The following TTLL11 variants were observed in gnomAD, a reference collection of about 807,000 sequenced individuals.
TTLL11 encodes tubulin tyrosine ligase like 11, also known as tubulin polyglutamylase TTLL11.
TTLL11 carries 42 observed loss-of-function variants against 51.7 expected under a neutral mutation model. The ratio of observed to expected loss-of-function variants is 0.81; its 90% CI spans 0.64 to 1.05. The LOEUF (loss-of-function observed/expected upper bound fraction) is 1.05, where lower values mean the gene tolerates loss of function less well. Among genes scored for constraint, TTLL11 ranks in the 50% least tolerant of loss-of-function variants. The probability of loss-of-function intolerance (pLI) is 0.00; values close to 1 mark genes in which losing one functional copy is unlikely to be tolerated. For synonymous variants in TTLL11, 381 were observed against 383.5 expected (o/e 0.99, Z 0.08); for missense variants, 799 against 940.4 (o/e 0.85, Z 1.97).
chr9:122,000,055 C>T (rs1345901607), intron 3 of TTLL11, among the ~76,000 whole-genome samples: 2 of 152,194 alleles, frequency 1.3e-5, no homozygotes, highest in Non-Finnish European at 2.9e-5. Context: ...ACCAGAGCCA[C>T]TCCATCTTAA....
chr9:122,006,993 A>AC (rs1420637170), intron 3 of TTLL11, among the ~76,000 whole-genome samples: 8 of 142,676 alleles, frequency 5.6e-5, no homozygotes, highest in African/African-American at 1.5e-4. Flanking sequence ...AAAAAAAAAA[A>AC]AAAAAAAAAA....
chr9:121,933,753 A>T (rs1338136663), intron 6 of TTLL11, among the ~76,000 whole-genome samples: 1 of 152,220 alleles, frequency 6.6e-6, no homozygotes, highest in Non-Finnish European at 1.5e-5. Context: ...GCTTAATAAG[A>T]CATAGTTGGA....
At position 121,989,489 on chromosome 9, in the gene TTLL11, C is replaced by T. The variant is rs776579779; in HGVS notation, c.975G>A (p.Glu325=). Residue 325 remains glutamate, a synonymous_variant, in exon 4 of 9, where the codon GAG becomes GAA. Transcript: ENST00000321582. The surrounding 1 kb of genome is among the most constrained non-coding windows in gnomAD (Gnocchi z 4.2). ...TTTTGGGGGTGGGCTCCTGATATGG[C>T]TCGGTACAAAACCTAGAGAGTCCGT... ...AKDGLSRFCT[E]PYQEPTPKNL... is the part of the protein sequence containing the mutation. 7 of 1,614,018 alleles carry T rather than the reference C, an allele frequency of 4.3e-6. No homozygotes were observed. The highest frequency in any genetic ancestry group is 5.9e-6 in the Non-Finnish European group (7 of 1,180,034).
At chr9:121,946,783 T>C (rs2131592873) in intron 6 of TTLL11, among the ~76,000 whole-genome samples, 1 of 152,262 alleles carries the variant, frequency 6.6e-6, no homozygotes, top group South Asian at 2.1e-4. Context: ...CCCCAGAAAT[T>C]CTGGTTTAAT....
In TTLL11 at chr9:121,818,198, C is replaced by T. The variant is rs1449768472; in HGVS notation, c.*4389G>A. The T allele has an allele frequency of 2.0e-5, 3 of 152,394 alleles. No individual in the cohort carries two copies. Among genetic ancestry groups the T allele is most frequent in the Non-Finnish European group, 4.4e-5 (3 of 68,262 alleles). The allele number at this position is 152,394 out of a possible 1,614,324, so 9.4% of individuals were successfully genotyped here. Reference sequence around the variant, plus strand: ...GTGAGATTGAATGGGAGGGGGTGCCCATGGGTACGCAGCCCAGGCCTGGCC... The same window carrying T: ...GTGAGATTGAATGGGAGGGGGTGCCTATGGGTACGCAGCCCAGGCCTGGCC... On this transcript the variant is annotated 3_prime_UTR_variant, in exon 9 of 9. Coordinates refer to ENST00000321582, the MANE Select transcript of TTLL11 (RefSeq NM_001139442.2).
chr9:121,851,672 C>A (rs1171958260), intron 8 of TTLL11, among the ~76,000 whole-genome samples: 1 of 152,202 alleles, frequency 6.6e-6, no homozygotes, highest in Non-Finnish European at 1.5e-5. Context: ...TGGCCCCTAA[C>A]CCGTCCCATC....
At chr9:121,990,500 T>C (rs890343811) in intron 3 of TTLL11, among the ~76,000 whole-genome samples, 1 of 152,178 alleles carries the variant, frequency 6.6e-6, no homozygotes, top group Non-Finnish European at 1.5e-5. Context: ...GGGGGCAGAA[T>C]TGGGATTGGA....
chr9:122,038,401 G>T (rs113873973), intron 2 of TTLL11, among the ~76,000 whole-genome samples: 19,126 of 152,022 alleles, frequency 0.13, 2,759 homozygotes, highest in African/African-American at 0.36. Flanking sequence ...TCCCAGCACT[G>T]TGGGAGACTG....
chr9:121,879,665 T>C (rs1389056887), intron 6 of TTLL11, among the ~76,000 whole-genome samples: 1 of 151,876 alleles, frequency 6.6e-6, no homozygotes, highest in East Asian at 1.9e-4. Context: ...GCCTTTGAGA[T>C]AAAAAAGAGT....
At chr9:121,968,372 A>T (rs753479245) in intron 6 of TTLL11, among the ~76,000 whole-genome samples, 1 of 152,210 alleles carries the variant, frequency 6.6e-6, no homozygotes, top group Non-Finnish European at 1.5e-5. Flanking sequence ...ACATCTTGCT[A>T]CCTGGAAACA....
In TTLL11 at chr9:121,870,509, C is replaced by G. The variant is rs911694955; in HGVS notation, c.1721G>C (p.Arg574Pro). ...TGTTCTCACTGACCTTATGAAGGTA[C>G]GAAAGCCTGTTGGCCCCAACTTCAT... ...GTMKLGPTGF[R>P]TFIRSCKLSS... Residue 574 changes from arginine to proline, a missense_variant, in exon 7 of 9, where the codon CGT (arginine) becomes CCT (proline). Physicochemically the swap from Arg to Pro is moderately radical, Grantham distance 103 (BLOSUM62 -2). Transcript: ENST00000321582. 6.4e-7 allele frequency: 1 copy of G among 1,551,478 alleles called. No individual in the cohort carries two copies.
chr9:122,065,294 C>T (rs1477861088), intron 1 of TTLL11, among the ~76,000 whole-genome samples: 4 of 152,066 alleles, frequency 2.6e-5, no homozygotes, highest in Admixed American at 6.5e-5. Context: ...AATTTAGCCT[C>T]GCAAGAAGAA....
At chr9:122,091,268 G>A (rs1043287994) in intron 1 of TTLL11, among the ~76,000 whole-genome samples, 5 of 152,210 alleles carry the variant, frequency 3.3e-5, no homozygotes, top group African/African-American at 1.2e-4. Flanking sequence ...CCTTCATTAA[G>A]ACCACGGCAC....
chr9:122,041,287 TAA>T (rs1332914253), intron 1 of TTLL11, among the ~76,000 whole-genome samples: 1 of 152,236 alleles, frequency 6.6e-6, no homozygotes, highest in Non-Finnish European at 1.5e-5. Context: ...TAAGCTCCTT[TAA>T]AAACTGTCCG....
chr9:122,079,107 T>C (rs917706361), intron 1 of TTLL11, among the ~76,000 whole-genome samples: 11 of 152,174 alleles, frequency 7.2e-5, no homozygotes, highest in African/African-American at 2.7e-4. Context: ...TGGGTATATA[T>C]CAGGAGAGAA....
chr9:122,029,436 A>G (rs1402332152), intron 3 of TTLL11, among the ~76,000 whole-genome samples: 1 of 152,182 alleles, frequency 6.6e-6, no homozygotes, highest in Non-Finnish European at 1.5e-5. Flanking sequence ...AGTGATATTG[A>G]TGATCCTGAC....
intron 1 of TTLL11, among the ~76,000 whole-genome samples, chr9:122,092,340 C>T (rs962940434): frequency 6.6e-6 from 1 of 152,096 alleles, no homozygotes. Context: ...AGTGAGAGAG[C>T]GGGTCCGGGG....
rs10656322 is a variant in TTLL11 at position 121,866,659 on chromosome 9, C to CAAA, written c.1733+3835_1733+3837dup. Among the ~76,000 whole-genome samples the CAAA allele has an allele frequency of 2.1e-3, 268 of 129,140 alleles. 6 individuals carry two copies. Among genetic ancestry groups the CAAA allele is most frequent in the African/African-American group, 6.0e-3 (208 of 34,568 alleles). 84.7% of individuals were successfully genotyped at this position (129,140 alleles called of 152,430 possible). ...TGGGCAACAGAGCAAGACTCCATCT[C>CAAA]AAAAAAAAAAAAAAGAAAGAAAAGA... On this transcript the variant is annotated intron_variant, in intron 7 of 8. Transcript: ENST00000321582.
At chr9:121,941,347 C>T (rs1001457100) in intron 6 of TTLL11, among the ~76,000 whole-genome samples, 4 of 152,170 alleles carry the variant, frequency 2.6e-5, no homozygotes, top group African/African-American at 9.7e-5. Context: ...ACTCACCTTC[C>T]GCTATGACCT....
Sources: allele counts gnomAD v4.1 joint callset (sites outside exome capture counted in the v4.1 genomes callset), GRCh38; gene constraint gnomAD v4.1.1; non-coding constraint Gnocchi (gnomAD v3.1); transcripts MANE v1.5; gene names NCBI Gene and HGNC (gene_info 2026-07-23, HGNC 2026-07-21).